Variants in PLEKHG4B observed in about 807,000 individuals in gnomAD.
The protein encoded by PLEKHG4B is pleckstrin homology and RhoGEF domain containing G4B.
In PLEKHG4B, 111 loss-of-function variants were observed where a neutral mutation model predicts 121.3. The ratio of observed to expected loss-of-function variants is 0.92; its 90% CI spans 0.78 to 1.07. The LOEUF is 1.07. Among genes scored for constraint, PLEKHG4B ranks in the 50% least tolerant of loss-of-function variants. The probability of loss-of-function intolerance (pLI) is 0.00; values close to 1 mark genes in which losing one functional copy is unlikely to be tolerated. For synonymous variants in PLEKHG4B, 738 were observed against 725.0 expected, an observed-to-expected ratio of 1.02 and a Z score of -0.29; for missense variants, 1,831 against 1,757.8, an observed-to-expected ratio of 1.04 and a Z score of -0.74.
chr5:167,442 GA>G (rs11422879), intron 13 of PLEKHG4B, among the ~76,000 whole-genome samples: 1 of 148,174 alleles, frequency 6.7e-6, no homozygotes, highest in East Asian at 1.9e-4. Context: ...AATAATGGTA[GA>G]AAAAAAATCT....
At chr5:115,260 CTTTTT>C (rs1276231673) in intron 2 of PLEKHG4B, among the ~76,000 whole-genome samples, 1 of 152,178 alleles carries the variant, frequency 6.6e-6, no homozygotes, top group African/African-American at 2.4e-5. Flanking sequence ...TGAAAGGAAT[CTTTTT>C]TTCTGAGCAG....
chr5:144,260 A>G (rs1447769752), intron 5 of PLEKHG4B: 2 of 152,462 alleles, frequency 1.3e-5, no homozygotes, highest in Non-Finnish European at 2.9e-5. Context: ...TCTCCTATTA[A>G]ATTTTGAACT....
intron 17 of PLEKHG4B, 23 bp downstream of exon 17, chr5:173,090 G>T: frequency 6.2e-7 from 1 of 1,610,524 alleles, no homozygotes; most frequent in South Asian, 1.1e-5. Context: ...CGGTCCGATT[G>T]GGTGCAGGCC....
chr5:162,930 G>A lies in PLEKHG4B; in HGVS notation c.2858G>A (p.Arg953His), dbSNP rs116369175. Residue 953 changes from arginine (R) to histidine (H), a missense_variant, in exon 13 of 20, where the codon CGT (arginine) becomes CAT (histidine). Arg to His is a conservative substitution (Grantham distance 29). Coordinates refer to ENST00000637938, the MANE Select transcript of PLEKHG4B (RefSeq NM_052909.5). ...CTGCAGTACCCCCAGACCCGGCTCCGTCTGGAAGAGGCCCTTTCTGAGGCT... is the reference window on the plus strand; with the variant it reads ...CTGCAGTACCCCCAGACCCGGCTCCATCTGGAAGAGGCCCTTTCTGAGGCT... ...LWLQYPQTRL[R>H]LEEALSEAAP... The A allele has an allele frequency of 1.3e-4, 206 of 1,550,704 alleles. No homozygotes were observed. The highest frequency in any genetic ancestry group is 7.3e-4 in the East Asian group (31 of 42,636).
At chr5:179,194 G>A (rs1283656345) in intron 18 of PLEKHG4B, among the ~76,000 whole-genome samples, 2 of 152,022 alleles carry the variant, frequency 1.3e-5, no homozygotes, top group Non-Finnish European at 2.9e-5. Flanking sequence ...CTTGTAAAAG[G>A]CATATGTTTG....
chr5:134,088 T>TG (rs1458170911), intron 2 of PLEKHG4B, among the ~76,000 whole-genome samples: 41 of 100,214 alleles, frequency 4.1e-4, no homozygotes, highest in African/African-American at 2.0e-3. Flanking sequence ...TATATATATA[T>TG]ATATATATAT....
rs1359030378 is a variant in PLEKHG4B, at chr5:189,330, CAG to C, written c.*7008_*7009del. Reference sequence around the variant, plus strand: ...TGTCCACCGCCCATGGCCGGGCTCACAGTGTCTCAGAGCCGTGGTGAGCCATC... The same window carrying C: ...TGTCCACCGCCCATGGCCGGGCTCACTGTCTCAGAGCCGTGGTGAGCCATC... On this transcript the variant is annotated 3_prime_UTR_variant, in exon 20 of 20. Transcript: ENST00000637938. The C allele has an allele frequency of 6.6e-6, 1 of 152,478 alleles. No individual in the cohort carries two copies. The highest frequency in any genetic ancestry group is 1.5e-5 in the Non-Finnish European group (1 of 68,234). The allele number at this position is 152,478 out of a possible 1,614,324, so 9.4% of individuals were successfully genotyped here. A position where few individuals can be genotyped will look rare whatever the true frequency, so the allele number is the denominator to read the frequency against.
rs1362769097 is a variant in PLEKHG4B, at chr5:162,914, C to T, written c.2842C>T (p.Pro948Ser). ...ASQQDLWLQY[P>S]QTRLRLEEAL... ...ACAGCAAGACCTGTGGCTGCAGTAC[C>T]CCCAGACCCGGCTCCGTCTGGAAGA... Residue 948 changes from proline to serine, a missense_variant, in exon 13 of 20, where the codon CCC (proline) becomes TCC (serine). Coordinates refer to ENST00000637938, the MANE Select transcript of PLEKHG4B (RefSeq NM_052909.5). The T allele has an allele frequency of 9.7e-6, 15 of 1,542,648 alleles. No homozygotes were observed. The highest frequency in any genetic ancestry group is 1.2e-5 in the South Asian group (1 of 80,390).
chr5:138,900 A>G (rs1421859377), intron 2 of PLEKHG4B, among the ~76,000 whole-genome samples: 1 of 152,266 alleles, frequency 6.6e-6, no homozygotes, highest in Non-Finnish European at 1.5e-5. Flanking sequence ...GAAAATAGTT[A>G]AAGTACACAA....
intron 3 of PLEKHG4B, among the ~76,000 whole-genome samples, chr5:141,932 G>A (rs1454702092): frequency 6.6e-6 from 1 of 152,116 alleles, no homozygotes; most frequent in Non-Finnish European, 1.5e-5. Flanking sequence ...TACCTGCCTG[G>A]CCTGACCAGG....
At position 163,321 on chromosome 5, in the gene PLEKHG4B, G is replaced by T. The variant is rs115239044; in HGVS notation, c.3249G>T (p.Thr1083=). The T allele has an allele frequency of 2.0e-5, 32 of 1,613,306 alleles. No individual in the cohort carries two copies. The highest frequency in any genetic ancestry group is 2.6e-5 in the Non-Finnish European group (31 of 1,180,040). ...CCCAGAAGAAAATGATAAAGAAAACGCAAAGTTTCGAGATACCTCAGCCCG... is the reference window on the plus strand; with the variant it reads ...CCCAGAAGAAAATGATAAAGAAAACTCAAAGTTTCGAGATACCTCAGCCCG... ...KHPQKKMIKK[T]QSFEIPQPDS... Residue 1083 remains threonine, a synonymous_variant, in exon 13 of 20, where the codon ACG becomes ACT. Coordinates refer to ENST00000637938, the MANE Select transcript of PLEKHG4B (RefSeq NM_052909.5).
intron 19 of PLEKHG4B, 131 bp downstream of exon 19, chr5:181,806 A>T: frequency 7.3e-7 from 1 of 1,369,554 alleles, no homozygotes. Flanking sequence ...CGTCAAGGAC[A>T]CGGGTACGGT....
rs375886045 is a variant in PLEKHG4B, at chr5:161,963, G to A, written c.2649+19G>A. On this transcript the variant is annotated intron_variant, in intron 12 of 19. Coordinates refer to ENST00000637938, the MANE Select transcript of PLEKHG4B (RefSeq NM_052909.5). ...CGAGACGGTAAGAGACCCAGTGGGC[G>A]TGCGTCCCAGGGATCCCGGCTCCTT... The A allele has an allele frequency of 1.1e-5, 17 of 1,593,736 alleles. No homozygotes were observed. Among genetic ancestry groups the A allele is most frequent in the African/African-American group, 9.4e-5 (7 of 74,622 alleles).
rs757717176 is a variant in PLEKHG4B, at chr5:161,805, A to G, written c.2510A>G (p.Gln837Arg). 18 of 1,613,744 alleles carry G rather than the reference A, an allele frequency of 1.1e-5. No individual in the cohort carries two copies. The highest frequency in any genetic ancestry group is 1.5e-5 in the Non-Finnish European group (18 of 1,180,036). The change falls in exon 12 of 20, where the codon CAG (glutamine) becomes CGG (arginine). Residue 837 changes from glutamine (Q) to arginine (R), a missense_variant. Physicochemically the swap from Gln to Arg is conservative, Grantham distance 43. Transcript: ENST00000637938. ...NDQQSCQKGL[Q>R]LAKENPQRTE... Reference sequence around the variant, plus strand: ...CAGCAATCCTGCCAGAAAGGACTACAGCTGGCGAAGGAGAACCCGCAACGT... The same window carrying G: ...CAGCAATCCTGCCAGAAAGGACTACGGCTGGCGAAGGAGAACCCGCAACGT...
chr5:161,710 G>T, intron 11 of PLEKHG4B, 73 bp from the exon 12 acceptor site: 1 of 1,605,266 alleles, frequency 6.2e-7, no homozygotes, highest in South Asian at 1.1e-5. Context: ...GCTACACGCA[G>T]ACCCAGCCCA....
In PLEKHG4B at chr5:140,256, G is replaced by A. The variant is rs555791652; in HGVS notation, c.1017G>A (p.Pro339=). The A allele has an allele frequency of 2.1e-5, 31 of 1,452,506 alleles. No homozygotes were observed. Among genetic ancestry groups the A allele is most frequent in the East Asian group, 2.0e-4 (8 of 39,862 alleles). The allele number at this position is 1,452,506 out of a possible 1,614,324, so 90.0% of individuals were successfully genotyped here. A position where few individuals can be genotyped will look rare whatever the true frequency, so the allele number is the denominator to read the frequency against. Residue 339 remains proline (P), a synonymous_variant, in exon 3 of 20, where the codon CCG becomes CCA. Coordinates refer to ENST00000637938, the MANE Select transcript of PLEKHG4B (RefSeq NM_052909.5). ...GCATCCCGAGCAGCAGGAGGCGGCC[G>A]CCGGGGGACCCCACTTGTGTGCAGC... The part of the protein sequence containing the change: ...DLGIPSSRRR[P]PGDPTCVQPR...
chr5:99,111 G>A (rs1170259695), intron 1 of PLEKHG4B, among the ~76,000 whole-genome samples: 23 of 142,504 alleles, frequency 1.6e-4, no homozygotes, highest in South Asian at 2.2e-4. Context: ...AGCCGAGATC[G>A]CGCCATTGCA....
At position 174,116 on chromosome 5, in the gene PLEKHG4B, G is replaced by T; in HGVS notation, c.4402+18G>T. Reference sequence around the variant, plus strand: ...GAGCAGAGGTGGGAAGATGGGGGCCGCAGGGCCTGCCAGGCTCAGGGGCAC... The same window carrying T: ...GAGCAGAGGTGGGAAGATGGGGGCCTCAGGGCCTGCCAGGCTCAGGGGCAC... On this transcript the variant is annotated intron_variant, in intron 18 of 19. Coordinates refer to ENST00000637938, the MANE Select transcript of PLEKHG4B (RefSeq NM_052909.5). The T allele has an allele frequency of 1.3e-6, 2 of 1,541,934 alleles. No individual in the cohort carries two copies. Among genetic ancestry groups the T allele is most frequent in the Non-Finnish European group, 1.8e-6 (2 of 1,142,532 alleles).
In PLEKHG4B at chr5:145,725, G is replaced by T. The variant is rs138489648; in HGVS notation, c.1905+805G>T. ...GAAGCACCGGGGATGGGAAGATGCT[G>T]CTGCCTGAGCAGGGGCAGATGGAAG... On this transcript the variant is annotated intron_variant, in intron 6 of 19. Coordinates refer to ENST00000637938, the MANE Select transcript of PLEKHG4B (RefSeq NM_052909.5). Among the ~76,000 whole-genome samples, 418 of 152,282 alleles carry T rather than the reference G, an allele frequency of 2.7e-3. 4 individuals carry two copies. The highest frequency in any genetic ancestry group is 9.5e-3 in the African/African-American group (395 of 41,556).
Sources: gnomAD v4.1 joint callset for allele counts (sites outside exome capture counted in the v4.1 genomes callset) on GRCh38, gnomAD v4.1.1 for gene constraint, MANE v1.5 for transcripts, NCBI Gene and HGNC (gene_info 2026-07-23, HGNC 2026-07-21) for gene names.